PTPRQ: variants seen among roughly 807,000 people sequenced by gnomAD.
The protein encoded by PTPRQ is protein tyrosine phosphatase receptor type Q, also known as phosphatidylinositol phosphatase PTPRQ.
In PTPRQ, 199 loss-of-function variants were observed where a neutral mutation model predicts 246.0. That is an observed-to-expected ratio of 0.81 (90% CI 0.72 to 0.91). The LOEUF is 0.91. PTPRQ is among the 40% of genes least tolerant of loss of function. PTPRQ has a pLI of 0.00. For missense variants in PTPRQ, 2,624 were observed against 2,528.4 expected, an observed-to-expected ratio of 1.04 and a Z score of -0.81; for synonymous variants, 869 against 853.2, an observed-to-expected ratio of 1.02 and a Z score of -0.32.
chr12:80,569,648 T>G (rs1321856583), intron 25 of PTPRQ, among the ~76,000 whole-genome samples: 1 of 151,986 alleles, frequency 6.6e-6, no homozygotes, highest in Non-Finnish European at 1.5e-5. Flanking sequence ...GCAGGTTTCT[T>G]ACATAGGTAT....
intron 33 of PTPRQ, among the ~76,000 whole-genome samples, chr12:80,624,974 T>A (rs1899143285): frequency 6.6e-6 from 1 of 152,196 alleles, no homozygotes. Flanking sequence ...AAAGTTGTCC[T>A]GGGCCACATG....
At chr12:80,590,908 T>G (rs1897777425) in intron 26 of PTPRQ, among the ~76,000 whole-genome samples, 1 of 152,030 alleles carries the variant, frequency 6.6e-6, no homozygotes, top group Admixed American at 6.6e-5. Flanking sequence ...TTCTTTTGAC[T>G]AGAATGTTCT....
At chr12:80,542,462 G>A (rs1214930950) in intron 22 of PTPRQ, 98 bp downstream of exon 22, 8 of 1,438,132 alleles carry the variant, frequency 5.6e-6, no homozygotes, top group Admixed American at 3.1e-5. Flanking sequence ...ATATCTGATT[G>A]TCTATTTGTA....
chr12:80,642,936 A>AAAAAACAAC (rs1899934587), intron 35 of PTPRQ, among the ~76,000 whole-genome samples: 6 of 148,266 alleles, frequency 4.0e-5, no homozygotes, highest in African/African-American at 1.3e-4. Flanking sequence ...AAAAAAAAAA[A>AAAAAACAAC]AAAAAAAAAA....
At position 80,542,276 on chromosome 12, in the gene PTPRQ, A is replaced by G; in HGVS notation, c.3633A>G (p.Pro1211=). The G allele has an allele frequency of 6.4e-7, 1 of 1,550,456 alleles. No individual in the cohort carries two copies. Among genetic ancestry groups the G allele is most frequent in the Non-Finnish European group, 8.7e-7 (1 of 1,146,474 alleles). ...ACATAATATTGGAAGAGCTTTCACC[A>G]TTTACATTATATAGCTTTTTTGCTG... The part of the protein sequence containing the change: ...DNYIILEELS[P]FTLYSFFAAA... The change falls in exon 22 of 45, where the codon CCA becomes CCG. Residue 1211 remains proline (P), a synonymous_variant. Coordinates refer to ENST00000644991, the MANE Select transcript of PTPRQ (RefSeq NM_001145026.2).
chr12:80,458,620 A>C (rs1424535548), intron 4 of PTPRQ, among the ~76,000 whole-genome samples: 1 of 151,550 alleles, frequency 6.6e-6, no homozygotes, highest in African/African-American at 2.4e-5. Context: ...ATTCTGAAGG[A>C]TCTTGGTGTT....
intron 43 of PTPRQ, among the ~76,000 whole-genome samples, chr12:80,673,787 T>C (rs1040833370): frequency 6.6e-6 from 1 of 152,164 alleles, no homozygotes; most frequent in African/African-American, 2.4e-5. Context: ...AACTATTAAC[T>C]GTGAGGTTTT....
intron 25 of PTPRQ, among the ~76,000 whole-genome samples, chr12:80,552,031 G>T (rs1896489197): frequency 6.6e-6 from 1 of 151,890 alleles, no homozygotes; most frequent in Non-Finnish European, 1.5e-5. Flanking sequence ...GCCTTTAATG[G>T]CATTTCTGGA....
At chr12:80,620,990 T>C (rs978046141) in intron 32 of PTPRQ, among the ~76,000 whole-genome samples, 2 of 151,952 alleles carry the variant, frequency 1.3e-5, no homozygotes, top group East Asian at 3.9e-4. Context: ...GTTATTTTTG[T>C]ATTGTAAGAC....
chr12:80,566,877 T>C (rs892754227), intron 25 of PTPRQ, among the ~76,000 whole-genome samples: 1 of 152,206 alleles, frequency 6.6e-6, no homozygotes, highest in Non-Finnish European at 1.5e-5. Context: ...TCACATTTTG[T>C]AATTTTTAAA....
chr12:80,646,103 T>G (rs1900062760), intron 35 of PTPRQ, among the ~76,000 whole-genome samples: 1 of 152,160 alleles, frequency 6.6e-6, no homozygotes, highest in African/African-American at 2.4e-5. Flanking sequence ...AAAAAATCCC[T>G]TCCTTATATC....
intron 6 of PTPRQ, chr12:80,465,372 C>T (rs1381890063): frequency 6.6e-6 from 1 of 152,346 alleles, no homozygotes; most frequent in East Asian, 1.9e-4. Flanking sequence ...AATAGCTTAC[C>T]AACCAAAAAG....
intron 9 of PTPRQ, among the ~76,000 whole-genome samples, chr12:80,492,653 A>C (rs1894484898): frequency 6.6e-6 from 1 of 151,946 alleles, no homozygotes. Context: ...TGAACTTGAC[A>C]TGTGTGAATT....
At chr12:80,462,980 G>A (rs974709605) in intron 6 of PTPRQ, among the ~76,000 whole-genome samples, 10 of 152,052 alleles carry the variant, frequency 6.6e-5, no homozygotes, top group East Asian at 3.9e-4. Context: ...CCAAAGGATG[G>A]CAGTTCCTCA....
intron 25 of PTPRQ, among the ~76,000 whole-genome samples, chr12:80,552,147 G>C (rs2120880276): frequency 6.6e-6 from 1 of 152,204 alleles, no homozygotes; most frequent in South Asian, 2.1e-4. Flanking sequence ...GTATTGGAGA[G>C]TACTGGAGTA....
intron 39 of PTPRQ, among the ~76,000 whole-genome samples, chr12:80,666,089 T>C (rs368292908): frequency 2.4e-4 from 36 of 152,162 alleles, no homozygotes; most frequent in African/African-American, 8.7e-4. Flanking sequence ...AGAAAATCAG[T>C]ATGTCAAAGG....
chr12:80,586,066 A>G lies in PTPRQ; in HGVS notation c.4286-2063A>G, dbSNP rs1897607163. On this transcript the variant is annotated intron_variant, in intron 25 of 44. Transcript: ENST00000644991. Reference sequence around the variant, plus strand: ...ATGTCCCTACAAAGGACATGAACTCATCATTTTTTATGGATGCATAGTATT... The same window carrying G: ...ATGTCCCTACAAAGGACATGAACTCGTCATTTTTTATGGATGCATAGTATT... Among the ~76,000 whole-genome samples, 4 of 151,926 alleles carry G rather than the reference A, an allele frequency of 2.6e-5. No individual in the cohort carries two copies. The South Asian group carries it at 8.3e-4, about 32-fold the overall frequency.
chr12:80,482,216 C>T lies in PTPRQ; in HGVS notation c.1187-2217C>T, dbSNP rs1357292921. ...AACAGAACAGAGCCCTCAGAAATAACGCCGCATATCTACAACTATCTGATC... is the reference window on the plus strand; with the variant it reads ...AACAGAACAGAGCCCTCAGAAATAATGCCGCATATCTACAACTATCTGATC... On this transcript the variant is annotated intron_variant, in intron 8 of 44. Transcript: ENST00000644991. Among the ~76,000 whole-genome samples, 1,165 of 148,876 alleles carry T rather than the reference C, an allele frequency of 7.8e-3. 14 individuals are homozygous for T. Among genetic ancestry groups the T allele is most frequent in the African/African-American group, 0.027 (1,080 of 40,534 alleles).
At chr12:80,652,921 A>C in intron 38 of PTPRQ, 87 bp downstream of exon 38, 1 of 1,294,062 alleles carries the variant, frequency 7.7e-7, no homozygotes, top group Non-Finnish European at 1.0e-6. Context: ...AATATATTTT[A>C]TTTTATATTG....
Sources: allele counts gnomAD v4.1 joint callset (sites outside exome capture counted in the v4.1 genomes callset), GRCh38; gene constraint gnomAD v4.1.1; transcripts MANE v1.5; gene names NCBI Gene and HGNC (gene_info 2026-07-23, HGNC 2026-07-21).